TBC1D9: variants seen among roughly 807,000 people sequenced by gnomAD.
The protein encoded by TBC1D9 is TBC1 domain family member 9A.
In TBC1D9, 63 loss-of-function variants were observed where a neutral mutation model predicts 132.0. The ratio of observed to expected loss-of-function variants is 0.48; its 90% CI spans 0.39 to 0.59. TBC1D9 has a LOEUF of 0.59. Among genes scored for constraint, TBC1D9 ranks in the 20% least tolerant of loss-of-function variants. TBC1D9 has a pLI of 0.00. For synonymous variants in TBC1D9, 610 were observed against 609.9 expected (o/e 1.00, Z 0.00); for missense variants, 1,261 against 1,592.7 (o/e 0.79, Z 3.54).
intron 2 of TBC1D9, among the ~76,000 whole-genome samples, chr4:140,696,340 C>T (rs1168903679): frequency 6.6e-6 from 1 of 151,038 alleles, no homozygotes; most frequent in Non-Finnish European, 1.5e-5. Context: ...GCCTGTAATC[C>T]CAGCTACTCG....
At chr4:140,717,929 G>A (rs2111055291) in intron 1 of TBC1D9, among the ~76,000 whole-genome samples, 1 of 152,146 alleles carries the variant, frequency 6.6e-6, no homozygotes, top group East Asian at 1.9e-4. Context: ...TGTTCTCTTG[G>A]CTCTTAGGAT....
chr4:140,676,625 C>T (rs900691656), intron 6 of TBC1D9, among the ~76,000 whole-genome samples: 9 of 152,220 alleles, frequency 5.9e-5, no homozygotes, highest in Non-Finnish European at 1.0e-4. Flanking sequence ...TGCACTCCAG[C>T]GTGGGTGACA....
chr4:140,698,902 T>C (rs950243776), intron 2 of TBC1D9, among the ~76,000 whole-genome samples: 2 of 152,166 alleles, frequency 1.3e-5, no homozygotes, highest in African/African-American at 4.8e-5. Flanking sequence ...CTCTCTTTAG[T>C]TGGATGCCCA....
intron 15 of TBC1D9, among the ~76,000 whole-genome samples, chr4:140,634,861 C>T (rs1050725116): frequency 6.6e-6 from 1 of 152,126 alleles, no homozygotes; most frequent in African/African-American, 2.4e-5. Flanking sequence ...GCGTAGGAAC[C>T]ACTCCGGCGA....
At chr4:140,704,988 A>T (rs778492643) in intron 1 of TBC1D9, among the ~76,000 whole-genome samples, 4 of 152,240 alleles carry the variant, frequency 2.6e-5, no homozygotes, top group Non-Finnish European at 4.4e-5. Context: ...CAAGTAAATT[A>T]CAGAAAGTAT....
chr4:140,727,772 A>T (rs1241472267), intron 1 of TBC1D9, among the ~76,000 whole-genome samples: 1 of 152,074 alleles, frequency 6.6e-6, no homozygotes, highest in Non-Finnish European at 1.5e-5. Flanking sequence ...TGAATAAATG[A>T]ATGAATGAAT....
chr4:140,723,994 C>T (rs1184047146), intron 1 of TBC1D9, among the ~76,000 whole-genome samples: 1 of 152,186 alleles, frequency 6.6e-6, no homozygotes, highest in African/African-American at 2.4e-5. Flanking sequence ...CCTCCCACCT[C>T]AGACTCCCAA....
At position 140,670,862 on chromosome 4, in the gene TBC1D9, C is replaced by T. The variant is rs748992099; in HGVS notation, c.1124G>A (p.Arg375Gln). ...VLPSPLSIST[R>Q]NRMTFLFANL... ...GGCAAATAGGAAGGTCATCCTGTTT[C>T]GGGTGCTGATGGATAAGGGACTGGG... Residue 375 changes from arginine to glutamine, a missense_variant, in exon 7 of 21, where the codon CGA becomes CAA. By Grantham distance (43) the Arg-to-Gln change is conservative. Coordinates refer to ENST00000442267, the MANE Select transcript of TBC1D9 (RefSeq NM_015130.3). 18 of 1,613,876 alleles carry T rather than the reference C, an allele frequency of 1.1e-5. No homozygotes were observed. Among genetic ancestry groups the T allele is most frequent in the Middle Eastern group, 1.6e-4 (1 of 6,084 alleles).
At chr4:140,672,393 A>G (rs918398843) in intron 6 of TBC1D9, among the ~76,000 whole-genome samples, 38 of 152,092 alleles carry the variant, frequency 2.5e-4, no homozygotes, top group Non-Finnish European at 1.6e-4. Flanking sequence ...GAATTTTCCC[A>G]TAACACTTAA....
intron 10 of TBC1D9, among the ~76,000 whole-genome samples, chr4:140,660,687 T>C (rs1431642187): frequency 1.3e-5 from 2 of 152,202 alleles, no homozygotes; most frequent in Non-Finnish European, 2.9e-5. Context: ...AGTGGTGATA[T>C]CTTGCAGGTC....
intron 1 of TBC1D9, among the ~76,000 whole-genome samples, chr4:140,708,042 T>C (rs772188070): frequency 6.6e-6 from 1 of 152,182 alleles, no homozygotes; most frequent in South Asian, 2.1e-4. Flanking sequence ...ACTGCCTTAT[T>C]TATCTTGGGA....
At chr4:140,634,943 C>T (rs528660425) in intron 15 of TBC1D9, among the ~76,000 whole-genome samples, 17 of 152,266 alleles carry the variant, frequency 1.1e-4, no homozygotes, top group African/African-American at 3.6e-4. Flanking sequence ...CCTCTTTATT[C>T]ATGAGGTCAT....
intron 2 of TBC1D9, among the ~76,000 whole-genome samples, chr4:140,695,042 T>C (rs1737932666): frequency 6.6e-6 from 1 of 152,206 alleles, no homozygotes; most frequent in African/African-American, 2.4e-5. Context: ...AGAAGGCAAC[T>C]AAATTACCCA....
intron 9 of TBC1D9, among the ~76,000 whole-genome samples, chr4:140,666,345 C>CT (rs1020471117): frequency 9.2e-5 from 14 of 151,832 alleles, no homozygotes; most frequent in African/African-American, 1.5e-4. Context: ...ATTTATTTTC[C>CT]TTTTTTTTGA....
chr4:140,755,910 C>T lies in TBC1D9; in HGVS notation c.130+6G>A. 6.4e-7 allele frequency: 1 copy of T among 1,551,432 alleles called. No homozygotes were observed. Among genetic ancestry groups the T allele is most frequent in the Non-Finnish European group, 8.7e-7 (1 of 1,151,440 alleles). ...CCCTCCTGCAGGGATCGGCCACGGT[C>T]CTTACCCGCCAGTCCGCCGCCGCCG... On this transcript the variant is annotated splice_donor_region_variant and intron_variant, in intron 1 of 20. Transcript: ENST00000442267.
chr4:140,697,168 G>A (rs1737972858), intron 2 of TBC1D9, among the ~76,000 whole-genome samples: 1 of 152,088 alleles, frequency 6.6e-6, no homozygotes, highest in African/African-American at 2.4e-5. Context: ...CTTGAGCACA[G>A]GAGTTTGAGA....
chr4:140,711,150 C>T (rs6814844), intron 1 of TBC1D9, among the ~76,000 whole-genome samples: 44,972 of 152,058 alleles, frequency 0.3, 7,858 homozygotes, highest in South Asian at 0.41. Flanking sequence ...CCTCAAAAGG[C>T]GGGGGCTTAA....
chr4:140,676,843 G>C, intron 6 of TBC1D9, 51 bp downstream of exon 6: 1 of 1,597,682 alleles, frequency 6.3e-7, no homozygotes, highest in Non-Finnish European at 8.5e-7. Context: ...GGTTCACCCA[G>C]AAAAGTATTA....
In TBC1D9 at chr4:140,716,492, A is replaced by C. The variant is rs193289675; in HGVS notation, c.131-14878T>G. ...GTGACAAAGCAAGACCCTGTCTCAAAAAAGAAAAAAAAATATCAATAATGG... is the reference window on the plus strand; with the variant it reads ...GTGACAAAGCAAGACCCTGTCTCAACAAAGAAAAAAAAATATCAATAATGG... On this transcript the variant is annotated intron_variant, in intron 1 of 20. Transcript: ENST00000442267. Among the ~76,000 whole-genome samples the C allele has an allele frequency of 4.5e-4, 68 of 152,268 alleles. 1 individual carries two copies. In the East Asian group the frequency reaches 9.8e-3, roughly 22 times the overall value.
Sources: gnomAD v4.1 joint callset for allele counts (sites outside exome capture counted in the v4.1 genomes callset) on GRCh38, gnomAD v4.1.1 for gene constraint, MANE v1.5 for transcripts, NCBI Gene and HGNC (gene_info 2026-07-23, HGNC 2026-07-21) for gene names.